DENND1B: variants seen among roughly 807,000 people sequenced by gnomAD.
DENND1B encodes the protein DENN domain containing 1B, also known as DENN domain-containing protein 1B.
DENND1B carries 59 observed loss-of-function variants against 90.1 expected under a neutral mutation model. The ratio of observed to expected loss-of-function variants is 0.65; its 90% CI spans 0.53 to 0.81. The LOEUF (loss-of-function observed/expected upper bound fraction) is 0.81. DENND1B is among the 40% of genes least tolerant of loss of function. The pLI, the probability that DENND1B is intolerant of heterozygous loss-of-function variation, is 0.00. For missense variants in DENND1B, 862 were observed against 912.6 expected (o/e 0.94, Z 0.71); for synonymous variants, 337 against 324.6 (o/e 1.04, Z -0.41).
intron 3 of DENND1B, among the ~76,000 whole-genome samples, chr1:197,682,207 A>T (rs1168231948): frequency 6.6e-6 from 1 of 152,070 alleles, no homozygotes; most frequent in East Asian, 1.9e-4. Context: ...GTGGCATATT[A>T]TTAATTATTT....
intron 19 of DENND1B, 51 bp downstream of exon 19, chr1:197,540,908 C>T: frequency 6.5e-7 from 1 of 1,531,850 alleles, no homozygotes; most frequent in Non-Finnish European, 9.0e-7. Flanking sequence ...GTATAAACTT[C>T]AAACTAATAC....
intron 10 of DENND1B, among the ~76,000 whole-genome samples, chr1:197,640,469 T>C: frequency 6.7e-6 from 1 of 148,260 alleles, no homozygotes; most frequent in East Asian, 2.0e-4. Flanking sequence ...TGAGACTCTG[T>C]CTCAAAAAAA....
At chr1:197,738,859 G>A (rs1420062658) in intron 2 of DENND1B, among the ~76,000 whole-genome samples, 1 of 152,178 alleles carries the variant, frequency 6.6e-6, no homozygotes, top group East Asian at 1.9e-4. Flanking sequence ...CCTTACAATT[G>A]GTCTTAATAT....
intron 13 of DENND1B, among the ~76,000 whole-genome samples, chr1:197,601,163 T>C (rs942974591): frequency 6.6e-6 from 1 of 151,796 alleles, no homozygotes; most frequent in Non-Finnish European, 1.5e-5. Context: ...AATCAGGGTA[T>C]ATGTTTGCTT....
In DENND1B at chr1:197,650,510, T is replaced by G. The variant is rs1352144187; in HGVS notation, c.447+1725A>C. Among the ~76,000 whole-genome samples, 4 of 152,162 alleles carry G rather than the reference T, an allele frequency of 2.6e-5. No homozygotes were observed. In the East Asian group the frequency reaches 7.7e-4, roughly 29 times the overall value. On this transcript the variant is annotated intron_variant, in intron 7 of 22. Transcript: ENST00000620048. ...CTACCATCTGATCTAGCAATCCCAG[T>G]ACTGGGTATCTATCAAGAGGAAAAA... is the stretch of plus-strand genomic sequence containing the variant.
At position 197,510,283 on chromosome 1, in the gene DENND1B, C is replaced by A; in HGVS notation, c.*177G>T. Reference sequence around the variant, plus strand: ...TGATTTAAAAGCACAGTAGAATTCGCTTTATATTTAAAAATCAATGCATTT... The same window carrying A: ...TGATTTAAAAGCACAGTAGAATTCGATTTATATTTAAAAATCAATGCATTT... On this transcript the variant is annotated 3_prime_UTR_variant, in exon 23 of 23. Coordinates refer to ENST00000620048, the MANE Select transcript of DENND1B (RefSeq NM_001195215.2). 2.8e-6 allele frequency: 2 copies of A among 705,870 alleles called. No individual in the cohort carries two copies. The highest frequency in any genetic ancestry group is 4.5e-6 in the Non-Finnish European group (2 of 447,846). 43.7% of individuals were successfully genotyped at this position (705,870 alleles called of 1,614,324 possible). A position where few individuals can be genotyped will look rare whatever the true frequency, so the allele number is the denominator to read the frequency against.
chr1:197,685,822 T>C (rs1336097042), intron 3 of DENND1B: 2 of 152,108 alleles, frequency 1.3e-5, no homozygotes, highest in South Asian at 2.1e-4. Flanking sequence ...TATTGGGAGC[T>C]AATATTTTGC....
At chr1:197,709,606 A>C (rs1205321040) in intron 3 of DENND1B, among the ~76,000 whole-genome samples, 1 of 2,358 alleles carries the variant, frequency 4.2e-4, no homozygotes, top group Non-Finnish European at 1.2e-3. Flanking sequence ...AACAACCGGT[A>C]CCAGCCGCTG....
chr1:197,731,150 G>A (rs1485432228), intron 2 of DENND1B, among the ~76,000 whole-genome samples: 1 of 152,004 alleles, frequency 6.6e-6, no homozygotes. Context: ...AAGAAACAAT[G>A]AGAAAATGAG....
chr1:197,505,801 T>C lies in DENND1B; in HGVS notation c.*4659A>G, dbSNP rs1196233333. ...CACAAAGGATACTACAATCCACATA[T>C]GTAATCATCAGCATACAAATGCCAT... On this transcript the variant is annotated 3_prime_UTR_variant, in exon 23 of 23. Coordinates refer to ENST00000620048, the MANE Select transcript of DENND1B (RefSeq NM_001195215.2). The C allele has an allele frequency of 6.6e-6, 1 of 151,680 alleles. No individual in the cohort carries two copies. The highest frequency in any genetic ancestry group is 1.5e-5 in the Non-Finnish European group (1 of 67,716). 9.4% of individuals were successfully genotyped at this position (151,680 alleles called of 1,614,324 possible).
At chr1:197,727,978 GAA>G (rs919828292) in intron 2 of DENND1B, among the ~76,000 whole-genome samples, 13 of 144,356 alleles carry the variant, frequency 9.0e-5, no homozygotes, top group African/African-American at 3.3e-4. Context: ...GAAGAGCTGT[GAA>G]AAAAAAAAAT....
intron 15 of DENND1B, among the ~76,000 whole-genome samples, chr1:197,573,539 C>T (rs1673372427): frequency 6.6e-6 from 1 of 152,248 alleles, no homozygotes; most frequent in South Asian, 2.1e-4. Context: ...AGAGCTGGCA[C>T]CATTCCTTCT....
intron 2 of DENND1B, among the ~76,000 whole-genome samples, chr1:197,771,278 A>G (rs1656576038): frequency 1.3e-5 from 2 of 152,192 alleles, no homozygotes; most frequent in South Asian, 4.1e-4. Flanking sequence ...GATATTTTTT[A>G]GATTAACTTA....
chr1:197,675,773 AT>A (rs1655996353), intron 3 of DENND1B, among the ~76,000 whole-genome samples: 2 of 152,174 alleles, frequency 1.3e-5, no homozygotes, highest in Admixed American at 1.3e-4. Context: ...AATTGTCCAC[AT>A]AATTTCTGTA....
chr1:197,627,643 A>G (rs61829319), intron 10 of DENND1B, among the ~76,000 whole-genome samples: 3 of 151,650 alleles, frequency 2.0e-5, no homozygotes, highest in Non-Finnish European at 2.9e-5. Context: ...CTCTCTCACC[A>G]CTCCTATTCA....
intron 2 of DENND1B, among the ~76,000 whole-genome samples, chr1:197,745,119 T>G (rs1197245720): frequency 6.6e-6 from 1 of 152,232 alleles, no homozygotes; most frequent in Non-Finnish European, 1.5e-5. Flanking sequence ...TCCAGACCAC[T>G]AAAACTTTCT....
chr1:197,700,399 T>G (rs1289991324), intron 3 of DENND1B, among the ~76,000 whole-genome samples: 1 of 152,140 alleles, frequency 6.6e-6, no homozygotes, highest in African/African-American at 2.4e-5. Context: ...CTAGGAAAAC[T>G]GGCTAGCCAT....
rs891641691 is a variant in DENND1B, at chr1:197,512,035, G to A, written c.1599-91C>T. The A allele has an allele frequency of 1.4e-4, 128 of 926,748 alleles. 1 individual carries two copies. In the African/African-American group the frequency reaches 2.0e-3, roughly 15 times the overall value. The allele number at this position is 926,748 out of a possible 1,614,324, so 57.4% of individuals were successfully genotyped here. A position where few individuals can be genotyped will look rare whatever the true frequency, so the allele number is the denominator to read the frequency against. On this transcript the variant is annotated intron_variant, in intron 21 of 22. Coordinates refer to ENST00000620048, the MANE Select transcript of DENND1B (RefSeq NM_001195215.2). The stretch of plus-strand genomic sequence containing the variant: ...CACCAGTTACATTACATTAATGAGA[G>A]AGTTAACAACAAAATCAATAATTAG...
intron 5 of DENND1B, among the ~76,000 whole-genome samples, chr1:197,662,790 C>G (rs1477684960): frequency 1.3e-5 from 2 of 152,020 alleles, no homozygotes; most frequent in African/African-American, 4.8e-5. Context: ...CTGTTGTAAT[C>G]TTAAAACAGC....
Sources: allele counts gnomAD v4.1 joint callset (sites outside exome capture counted in the v4.1 genomes callset), GRCh38; gene constraint gnomAD v4.1.1; transcripts MANE v1.5; gene names NCBI Gene and HGNC (gene_info 2026-07-23, HGNC 2026-07-21).